COL25A1: variants seen among roughly 807,000 people sequenced by gnomAD.
COL25A1 encodes the protein collagen type XXV alpha 1 chain, also known as collagen alpha-1(XXV) chain.
COL25A1 carries 103 observed loss-of-function variants against 128.4 expected under a neutral mutation model. The observed-to-expected ratio is 0.80, with a 90% CI of 0.68 to 0.94. COL25A1 has a LOEUF of 0.94. Among genes scored for constraint, COL25A1 ranks in the 40% least tolerant of loss-of-function variants. The probability of loss-of-function intolerance (pLI) is 0.00; values close to 1 mark genes in which losing one functional copy is unlikely to be tolerated. For synonymous variants in COL25A1, 279 were observed against 277.2 expected (o/e 1.01, Z -0.06); for missense variants, 745 against 840.0 (o/e 0.89, Z 1.40).
At chr4:109,144,213 T>A (rs1261083289) in intron 3 of COL25A1, among the ~76,000 whole-genome samples, 2 of 152,314 alleles carry the variant, frequency 1.3e-5, no homozygotes, top group East Asian at 1.9e-4. Flanking sequence ...TGCCCTAGTA[T>A]CACCAGCGGA....
chr4:109,109,147 G>A (rs1162073810), intron 3 of COL25A1, among the ~76,000 whole-genome samples: 1 of 151,912 alleles, frequency 6.6e-6, no homozygotes, highest in Non-Finnish European at 1.5e-5. Context: ...GCTTTGCAGT[G>A]GCACAATCTC....
intron 3 of COL25A1, among the ~76,000 whole-genome samples, chr4:109,228,829 T>C (rs1778976907): frequency 6.6e-6 from 1 of 152,230 alleles, no homozygotes; most frequent in Non-Finnish European, 1.5e-5. Context: ...GGTATACTAC[T>C]GTGGAATTCC....
At chr4:109,138,530 T>A (rs550460924) in intron 3 of COL25A1, among the ~76,000 whole-genome samples, 1 of 152,276 alleles carries the variant, frequency 6.6e-6, no homozygotes, top group Admixed American at 6.5e-5. Context: ...TCAAATGGTA[T>A]TTCTGGTTCT....
chr4:108,936,522 G>A (rs200648508), intron 11 of COL25A1, among the ~76,000 whole-genome samples: 4 of 151,984 alleles, frequency 2.6e-5, no homozygotes, highest in East Asian at 1.9e-4. Context: ...AGCCGAGATC[G>A]CGCCACTGCA....
In COL25A1 at chr4:108,825,240, T is replaced by C; in HGVS notation, c.1765-18A>G. The C allele has an allele frequency of 3.7e-6, 6 of 1,608,430 alleles. No individual in the cohort carries two copies. The highest frequency in any genetic ancestry group is 5.1e-6 in the Non-Finnish European group (6 of 1,175,200). ...TCTTTCCCCTGCCAAAGAACCATAG[T>C]AGCTACATTAGTGTTTCTAAGTTTT... On this transcript the variant is annotated intron_variant, in intron 33 of 37. Coordinates refer to ENST00000399132, the MANE Select transcript of COL25A1 (RefSeq NM_198721.4).
intron 8 of COL25A1, among the ~76,000 whole-genome samples, chr4:108,967,943 G>T (rs771908879): frequency 2.0e-5 from 3 of 151,966 alleles, no homozygotes; most frequent in Non-Finnish European, 2.9e-5. Flanking sequence ...ATCTCTTTAC[G>T]CCCGGATACT....
chr4:109,222,305 G>A (rs1460771772), intron 3 of COL25A1, among the ~76,000 whole-genome samples: 4 of 151,682 alleles, frequency 2.6e-5, no homozygotes, highest in East Asian at 1.9e-4. Context: ...CTCGTGATCC[G>A]CCCGCCTCGG....
chr4:109,027,865 G>C (rs189071931), intron 5 of COL25A1, among the ~76,000 whole-genome samples: 27 of 152,238 alleles, frequency 1.8e-4, no homozygotes, highest in African/African-American at 5.1e-4. Flanking sequence ...AGTAAGGGTG[G>C]AATTCCAGCA....
chr4:109,036,364 C>A (rs781151809), intron 5 of COL25A1, among the ~76,000 whole-genome samples: 1 of 152,170 alleles, frequency 6.6e-6, no homozygotes, highest in Non-Finnish European at 1.5e-5. Context: ...TTCCACACGA[C>A]TTTCAAACTA....
chr4:108,834,072 G>A (rs1342940136), intron 31 of COL25A1, among the ~76,000 whole-genome samples: 8 of 152,176 alleles, frequency 5.3e-5, no homozygotes, highest in Non-Finnish European at 7.3e-5. Flanking sequence ...AGACAATGAA[G>A]CCCATTAGTC....
intron 24 of COL25A1, among the ~76,000 whole-genome samples, chr4:108,854,869 C>A (rs1234220543): frequency 2.0e-5 from 3 of 152,130 alleles, no homozygotes; most frequent in African/African-American, 7.2e-5. Context: ...TGGGTATATA[C>A]TGAAAGAATT....
chr4:109,174,065 A>C (rs907458314), intron 3 of COL25A1, among the ~76,000 whole-genome samples: 1 of 152,214 alleles, frequency 6.6e-6, no homozygotes, highest in African/African-American at 2.4e-5. Context: ...CTAAATACTG[A>C]GAGAGGTGCT....
At chr4:109,154,352 A>G (rs1459598991) in intron 3 of COL25A1, among the ~76,000 whole-genome samples, 3 of 152,206 alleles carry the variant, frequency 2.0e-5, no homozygotes, top group Admixed American at 1.3e-4. Flanking sequence ...CAGTTTATGT[A>G]CAGTGTTATC....
intron 11 of COL25A1, among the ~76,000 whole-genome samples, chr4:108,937,350 A>T (rs1255654896): frequency 1.3e-5 from 2 of 151,768 alleles, no homozygotes; most frequent in Non-Finnish European, 2.9e-5. Context: ...TTTTTTTTAA[A>T]TGACAGAGAA....
At chr4:109,052,965 C>T (rs7687817) in intron 3 of COL25A1, among the ~76,000 whole-genome samples, 18,942 of 152,068 alleles carry the variant, frequency 0.12, 1,589 homozygotes, top group African/African-American at 0.23. Context: ...CTAAACTTGG[C>T]CAGATCTTTA....
intron 3 of COL25A1, among the ~76,000 whole-genome samples, chr4:109,097,484 G>A (rs1474837842): frequency 1.3e-5 from 2 of 148,826 alleles, no homozygotes; most frequent in Non-Finnish European, 3.0e-5. Context: ...TTGGTCACAC[G>A]CACCTGTAGT....
chr4:109,069,085 C>CAAATATTTTTAAAATATTTAATATTT (rs1200947657), intron 3 of COL25A1, among the ~76,000 whole-genome samples: 2 of 151,218 alleles, frequency 1.3e-5, no homozygotes, highest in Admixed American at 6.6e-5. Flanking sequence ...CTATAAAATT[C>CAAATATTTTTAAAATATTTAATATTT]AAATATTTTT....
intron 3 of COL25A1, among the ~76,000 whole-genome samples, chr4:109,059,516 T>C (rs990433480): frequency 6.6e-6 from 1 of 152,252 alleles, no homozygotes; most frequent in Non-Finnish European, 1.5e-5. Context: ...TCTTTGTTTA[T>C]AGGCTTATTT....
chr4:109,146,057 A>G (rs1249371318), intron 3 of COL25A1, among the ~76,000 whole-genome samples: 1 of 152,224 alleles, frequency 6.6e-6, no homozygotes, highest in East Asian at 1.9e-4. Flanking sequence ...AACTTAATAT[A>G]AACAATCAAA....
Sources: allele counts gnomAD v4.1 joint callset (sites outside exome capture counted in the v4.1 genomes callset), GRCh38; gene constraint gnomAD v4.1.1; transcripts MANE v1.5; gene names NCBI Gene and HGNC (gene_info 2026-07-23, HGNC 2026-07-21).